Variants in TSC1 observed in about 807,000 individuals in gnomAD.
The protein encoded by TSC1 is TSC complex subunit 1.
In TSC1, 20 loss-of-function variants were observed where a neutral mutation model predicts 124.3. The observed-to-expected ratio is 0.16, with a 90% CI of 0.11 to 0.23. The LOEUF is 0.23. Among genes scored for constraint, TSC1 ranks in the 10% least tolerant of loss-of-function variants. TSC1 has a pLI of 1.00. For synonymous variants in TSC1, 493 were observed against 539.1 expected (o/e 0.91, Z 1.19); for missense variants, 1,124 against 1,448.5 (o/e 0.78, Z 3.64).
Position 132,896,883 on chromosome 9 carries a change from A to G in TSC1, c.2976-129T>C. 2 of 1,439,996 alleles carry G rather than the reference A, an allele frequency of 1.4e-6. No homozygotes were observed. Among genetic ancestry groups the G allele is most frequent in the Non-Finnish European group, 1.9e-6 (2 of 1,030,656 alleles). 89.2% of individuals were successfully genotyped at this position (1,439,996 alleles called of 1,614,324 possible). On this transcript the variant is annotated intron_variant, in intron 22 of 22. Transcript: ENST00000298552. This position sits in a 1 kb window ranked among gnomAD's most constrained non-coding sequence, Gnocchi z 4.5. ...GCTAGCCCACTCTCTGTTTTATAAT[A>G]CTGGACTCAAGAGATCTCATCAAGA...
At chr9:132,927,703 T>A (rs1846958866) in intron 3 of TSC1, among the ~76,000 whole-genome samples, 1 of 152,060 alleles carries the variant, frequency 6.6e-6, no homozygotes. Flanking sequence ...ATTTTTGTAT[T>A]TTTACTAGAG....
intron 1 of TSC1, among the ~76,000 whole-genome samples, chr9:132,937,398 G>C (rs1847511894): frequency 6.6e-6 from 1 of 152,218 alleles, no homozygotes. Flanking sequence ...AGTCGAGATA[G>C]TGCCACTGCA....
intron 8 of TSC1, among the ~76,000 whole-genome samples, chr9:132,917,142 T>C (rs191610413): frequency 1.3e-5 from 2 of 152,348 alleles, no homozygotes; most frequent in East Asian, 3.9e-4. Context: ...TTTCATTTTT[T>C]TCTTTCTCTG....
In TSC1 at chr9:132,921,222, G is replaced by A. The variant is rs1846530998; in HGVS notation, c.737+141C>T. ...ATGTTTTAAACTCACACAAATTTTA[G>A]CTGTATGAGTGCTTCCAAGTGGACT... On this transcript the variant is annotated intron_variant, in intron 8 of 22. Transcript: ENST00000298552. The surrounding 1 kb of genome is among the most constrained non-coding windows in gnomAD (Gnocchi z 4.3). 2.4e-6 allele frequency: 2 copies of A among 835,800 alleles called. No homozygotes were observed. Among genetic ancestry groups the A allele is most frequent in the Admixed American group, 2.0e-5 (1 of 49,432 alleles). The allele number at this position is 835,800 out of a possible 1,614,324, so 51.8% of individuals were successfully genotyped here.
At chr9:132,910,214 T>C (rs765927384) in intron 12 of TSC1, 17 of 503,210 alleles carry the variant, frequency 3.4e-5, no homozygotes, top group Middle Eastern at 5.2e-4. Flanking sequence ...TGCAGGAGGA[T>C]TGCATGAGTC....
intron 1 of TSC1, among the ~76,000 whole-genome samples, chr9:132,938,706 G>C (rs143189483): frequency 7.9e-5 from 12 of 152,210 alleles, no homozygotes; most frequent in African/African-American, 2.6e-4. Context: ...CTCTGCCCTA[G>C]CCAAGATGCA....
rs770381040 is a variant in TSC1, at chr9:132,900,784, C to G, written c.2556G>C (p.Leu852=). The G allele has an allele frequency of 9.3e-6, 15 of 1,614,092 alleles. No homozygotes were observed. The highest frequency in any genetic ancestry group is 1.3e-5 in the Non-Finnish European group (15 of 1,180,030). Reference sequence around the variant, plus strand: ...GCTCGTTGACCTCCCCAAGAACCAACAGCTGCCTGTTCAAGAACTCCATCT... The same window carrying G: ...GCTCGTTGACCTCCCCAAGAACCAAGAGCTGCCTGTTCAAGAACTCCATCT... ...QQQMEFLNRQ[L]LVLGEVNELY... is the part of the protein sequence containing the mutation. The change falls in exon 20 of 23, where the codon CTG becomes CTC. Residue 852 remains leucine, a synonymous_variant. Coordinates refer to ENST00000298552, the MANE Select transcript of TSC1 (RefSeq NM_000368.5).
At chr9:132,910,301 CAAAAAAAA>C in intron 12 of TSC1, 6 of 477,918 alleles carry the variant, frequency 1.3e-5, no homozygotes, top group Admixed American at 8.6e-5. Context: ...ACCCTGTCTC[CAAAAAAAA>C]AAAAAAAAAA....
At chr9:132,910,728 G>C in intron 11 of TSC1, 36 bp from the exon 12 acceptor site, 1 of 1,612,288 alleles carries the variant, frequency 6.2e-7, no homozygotes, top group Non-Finnish European at 8.5e-7. Flanking sequence ...TGAACACTGA[G>C]CCCAACTATT....
intron 4 of TSC1, 187 bp from the exon 5 acceptor site, chr9:132,925,926 C>G: frequency 1.3e-6 from 1 of 757,056 alleles, no homozygotes; most frequent in East Asian, 2.7e-5. Flanking sequence ...CTGCATTTGG[C>G]CTGACAAAAG....
Position 132,906,905 on chromosome 9 carries a change from C to T in TSC1, c.1334-70G>A, listed in dbSNP as rs1845703922. 8.2e-7 allele frequency: 1 copy of T among 1,215,178 alleles called. No individual in the cohort carries two copies. The highest frequency in any genetic ancestry group is 1.2e-6 in the Non-Finnish European group (1 of 824,814). The allele number at this position is 1,215,178 out of a possible 1,614,324, so 75.3% of individuals were successfully genotyped here. On this transcript the variant is annotated intron_variant, in intron 13 of 22. Coordinates refer to ENST00000298552, the MANE Select transcript of TSC1 (RefSeq NM_000368.5). The surrounding 1 kb of genome is among the most constrained non-coding windows in gnomAD (Gnocchi z 4.1). Reference sequence around the variant, plus strand: ...ATCCCTGTAAGTGTAAAACTGCTTACACTGTATAGAATATGTCTGTAATAA... The same window carrying T: ...ATCCCTGTAAGTGTAAAACTGCTTATACTGTATAGAATATGTCTGTAATAA...
chr9:132,894,013 AC>A lies in TSC1; in HGVS notation c.*2221del. ...CATGACTCCAGGTCTCATTCTCCCA[AC>A]CGTAGTTGAATAAAACCCACAGCCT... On this transcript the variant is annotated 3_prime_UTR_variant, in exon 23 of 23. Transcript: ENST00000298552. The A allele has an allele frequency of 4.3e-6, 1 of 233,238 alleles. No homozygotes were observed. Among genetic ancestry groups the A allele is most frequent in the Non-Finnish European group, 8.5e-6 (1 of 117,910 alleles). 14.4% of individuals were successfully genotyped at this position (233,238 alleles called of 1,614,324 possible). A position where few individuals can be genotyped will look rare whatever the true frequency, so the allele number is the denominator to read the frequency against.
At chr9:132,926,936 TA>T in intron 4 of TSC1, 1 of 424,584 alleles carries the variant, frequency 2.4e-6, no homozygotes, top group Non-Finnish European at 4.4e-6. Context: ...CTCGGCCTCC[TA>T]AGGGGATTAC....
At position 132,928,713 on chromosome 9, in the gene TSC1, A is replaced by G. The variant is rs1031534357; in HGVS notation, c.106+54T>C. 5.0e-6 allele frequency: 8 copies of G among 1,607,974 alleles called. No individual in the cohort carries two copies. In the African/African-American group the frequency reaches 5.3e-5, roughly 11 times the overall value. The stretch of plus-strand genomic sequence containing the variant: ...TATCAGCAGGATTCTAGTGGCTCTA[A>G]AGTCAATCTCTTCTTTCTAGAAGAT... On this transcript the variant is annotated intron_variant, in intron 3 of 22. Transcript: ENST00000298552.
Position 132,900,854 on chromosome 9 carries a change from A to G in TSC1, c.2503-17T>C. 1 of 1,613,902 alleles carries G rather than the reference A, an allele frequency of 6.2e-7. No individual in the cohort carries two copies. Among genetic ancestry groups the G allele is most frequent in the Non-Finnish European group, 8.5e-7 (1 of 1,179,830 alleles). ...GTTTGAGAGCTAACCAAAAAACATG[A>G]GCAAAGTGAAAAATCCGACGACATA... On this transcript the variant is annotated splice_polypyrimidine_tract_variant and intron_variant, in intron 19 of 22. Transcript: ENST00000298552.
rs138389367 is a variant in TSC1, at chr9:132,935,870, A to C, written c.-143-775T>G. ...CTCAGAGAAGACCTCCTAGGCCTCTACTTGCCTCCCACTTCCACCTTCCAG... is the reference window on the plus strand; with the variant it reads ...CTCAGAGAAGACCTCCTAGGCCTCTCCTTGCCTCCCACTTCCACCTTCCAG... On this transcript the variant is annotated intron_variant, in intron 1 of 22. Transcript: ENST00000298552. 1.3e-3 allele frequency among the ~76,000 whole-genome samples: 194 copies of C among 152,328 alleles called. 2 individuals are homozygous for C. Among genetic ancestry groups the C allele is most frequent in the African/African-American group, 4.3e-3 (180 of 41,564 alleles).
intron 8 of TSC1, among the ~76,000 whole-genome samples, chr9:132,916,786 T>C (rs1032980626): frequency 5.9e-5 from 9 of 152,188 alleles, no homozygotes; most frequent in Non-Finnish European, 1.3e-4. Flanking sequence ...TCTGGAGCAC[T>C]CTCTCCCTGG....
chr9:132,906,447 G>A lies in TSC1; in HGVS notation c.1438+284C>T. ...GCCTGTGGTCCCAGCTACTCAGGAGGCTGAGGTGGGCGGATTGCTTGAGCC... is the reference window on the plus strand; with the variant it reads ...GCCTGTGGTCCCAGCTACTCAGGAGACTGAGGTGGGCGGATTGCTTGAGCC... On this transcript the variant is annotated intron_variant, in intron 14 of 22. Transcript: ENST00000298552. The surrounding 1 kb of genome is among the most constrained non-coding windows in gnomAD (Gnocchi z 4.1). The A allele has an allele frequency of 1.9e-6, 1 of 530,374 alleles. No homozygotes were observed. Among genetic ancestry groups the A allele is most frequent in the Non-Finnish European group, 3.4e-6 (1 of 296,702 alleles). 32.9% of individuals were successfully genotyped at this position (530,374 alleles called of 1,614,324 possible).
chr9:132,908,813 AAGTGTT>A (rs1328168532), intron 12 of TSC1, among the ~76,000 whole-genome samples: 3 of 152,052 alleles, frequency 2.0e-5, no homozygotes, highest in Non-Finnish European at 4.4e-5. Flanking sequence ...AAAATTTGAT[AAGTGTT>A]AGTTTCTTAA....
Sources: allele counts gnomAD v4.1 joint callset (sites outside exome capture counted in the v4.1 genomes callset), GRCh38; gene constraint gnomAD v4.1.1; non-coding constraint Gnocchi (gnomAD v3.1); transcripts MANE v1.5; gene names NCBI Gene and HGNC (gene_info 2026-07-23, HGNC 2026-07-21).